The following B4GALNT3 variants were observed in gnomAD, a reference collection of about 807,000 sequenced individuals.
The protein encoded by B4GALNT3 is beta-1,4-N-acetyl-galactosaminyltransferase 3, also known as beta-1,4-N-acetylgalactosaminyltransferase 3.
In B4GALNT3, 86 loss-of-function variants were observed where a neutral mutation model predicts 120.2. The observed-to-expected ratio is 0.72, with a 90% CI of 0.60 to 0.86. B4GALNT3 has a LOEUF of 0.86. Among genes scored for constraint, B4GALNT3 ranks in the 40% least tolerant of loss-of-function variants. B4GALNT3 has a pLI of 0.00. For missense variants in B4GALNT3, 1,167 were observed against 1,298.9 expected (o/e 0.90, Z 1.56); for synonymous variants, 518 against 510.4 (o/e 1.01, Z -0.20).
rs535048595 is a variant in B4GALNT3 at position 513,868 on chromosome 12, C to T, written c.170-21298C>T. On this transcript the variant is annotated intron_variant, in intron 1 of 19. Transcript: ENST00000266383. ...TTTCCCAAAGCATGCGGATTACAGG[C>T]GTGAGCCACTGTGCCCAGTCCATTT... Among the ~76,000 whole-genome samples, 9 of 152,340 alleles carry T rather than the reference C, an allele frequency of 5.9e-5. 1 individual carries two copies. In the South Asian group the frequency reaches 1.2e-3, roughly 21 times the overall value.
chr12:558,752 C>G (rs1408869768), intron 18 of B4GALNT3, 91 bp downstream of exon 18: 15 of 1,352,796 alleles, frequency 1.1e-5, no homozygotes, highest in African/African-American at 7.2e-5. Context: ...CTATGAGCGT[C>G]AGCATCCTCC....
At chr12:545,534 C>A in intron 6 of B4GALNT3, 65 bp downstream of exon 6, 2 of 1,442,812 alleles carry the variant, frequency 1.4e-6, no homozygotes, top group Non-Finnish European at 1.9e-6. Flanking sequence ...AGTCCTCCAG[C>A]AGCTGCTCAT....
intron 1 of B4GALNT3, among the ~76,000 whole-genome samples, chr12:522,535 T>C (rs181157187): frequency 1.6e-3 from 249 of 152,270 alleles, no homozygotes; most frequent in Non-Finnish European, 2.3e-3. Context: ...CAGTTCGTGT[T>C]TAATGGGTAC....
Position 552,100 on chromosome 12 carries a change from G to C in B4GALNT3, c.1145G>C (p.Arg382Pro). ...TTTGTTTACCCCAATGACTATACCC[G>C]CCTGAGCCACATGGAGACCCACAAT... Reference protein sequence around the residue: ...LSFVYPNDYTRLSHMETHNKC... With the variant: ...LSFVYPNDYTPLSHMETHNKC... The change falls in exon 12 of 20, where the codon CGC becomes CCC. Residue 382 changes from arginine (R) to proline (P), a missense_variant. Transcript: ENST00000266383. 1 of 1,612,998 alleles carries C rather than the reference G, an allele frequency of 6.2e-7. No homozygotes were observed. The highest frequency in any genetic ancestry group is 8.5e-7 in the Non-Finnish European group (1 of 1,179,230).
At chr12:516,227 G>C (rs1439672841) in intron 1 of B4GALNT3, among the ~76,000 whole-genome samples, 1 of 152,032 alleles carries the variant, frequency 6.6e-6, no homozygotes, top group Non-Finnish European at 1.5e-5. Context: ...TTATACACAT[G>C]CACACATAAT....
intron 3 of B4GALNT3, among the ~76,000 whole-genome samples, chr12:541,410 G>A (rs1946913994): frequency 1.3e-5 from 2 of 152,238 alleles, no homozygotes; most frequent in Admixed American, 1.3e-4. Context: ...GGAGTGACCA[G>A]TGCCCCTCCC....
intron 4 of B4GALNT3, 137 bp downstream of exon 4, chr12:544,571 A>T (rs536555178): frequency 1.3e-6 from 1 of 793,376 alleles, no homozygotes; most frequent in Non-Finnish European, 2.0e-6. Context: ...TTGTCTGCCC[A>T]TAATAGTTCC....
intron 3 of B4GALNT3, among the ~76,000 whole-genome samples, chr12:541,420 C>T (rs758208134): frequency 1.2e-4 from 19 of 152,230 alleles, no homozygotes; most frequent in Non-Finnish European, 1.9e-4. Flanking sequence ...GTGCCCCTCC[C>T]TGGGCCTTAG....
In B4GALNT3 at chr12:496,429, G is replaced by A. The variant is rs534395132; in HGVS notation, c.169+35884G>A. 8.5e-5 allele frequency among the ~76,000 whole-genome samples: 13 copies of A among 152,104 alleles called. No individual in the cohort carries two copies. In the South Asian group the frequency reaches 1.0e-3, roughly 12 times the overall value. ...AGCCTGGCCAACATGGTGAAACCCC[G>A]TATCTACTAAAAATACAAAAATTGT... On this transcript the variant is annotated intron_variant, in intron 1 of 19. Transcript: ENST00000266383.
At position 550,356 on chromosome 12, in the gene B4GALNT3, G is replaced by A. The variant is rs1947064953; in HGVS notation, c.997+444G>A. Among the ~76,000 whole-genome samples the A allele has an allele frequency of 6.6e-6, 1 of 152,184 alleles. No individual in the cohort carries two copies. On this transcript the variant is annotated intron_variant, in intron 10 of 19. Transcript: ENST00000266383. This position sits in a 1 kb window ranked among gnomAD's most constrained non-coding sequence, Gnocchi z 4.1. ...ACGGCCAAGATGGCCAGGCATGGTG[G>A]CTCATTCCTGTCATCCTGGCACTTT...
intron 9 of B4GALNT3, among the ~76,000 whole-genome samples, 189 bp from the exon 10 acceptor site, chr12:549,580 G>A (rs1947051468): frequency 1.3e-5 from 2 of 152,242 alleles, no homozygotes; most frequent in Admixed American, 1.3e-4. Flanking sequence ...TGGCAGAGGG[G>A]GCCGAAGGCA....
intron 1 of B4GALNT3, among the ~76,000 whole-genome samples, chr12:484,356 C>T (rs999279213): frequency 1.3e-5 from 2 of 152,202 alleles, no homozygotes; most frequent in Admixed American, 1.3e-4. Flanking sequence ...CCTGTTGGCA[C>T]GTGCCACGGT....
At chr12:514,344 C>T (rs1946629373) in intron 1 of B4GALNT3, among the ~76,000 whole-genome samples, 1 of 152,032 alleles carries the variant, frequency 6.6e-6, no homozygotes, top group South Asian at 2.1e-4. Context: ...ACTACAGGTG[C>T]CCGCCACCAC....
chr12:544,179 A>T lies in B4GALNT3; in HGVS notation c.352-160A>T, dbSNP rs950336975. On this transcript the variant is annotated intron_variant, in intron 3 of 19. Coordinates refer to ENST00000266383, the MANE Select transcript of B4GALNT3 (RefSeq NM_173593.4). ...GATCTGGGGCGGGTGTGGGATGCTCATCCTCCTGGAGCTGAGGCTCTGGGG... is the reference window on the plus strand; with the variant it reads ...GATCTGGGGCGGGTGTGGGATGCTCTTCCTCCTGGAGCTGAGGCTCTGGGG... Among the ~76,000 whole-genome samples, 17 of 144,708 alleles carry T rather than the reference A, an allele frequency of 1.2e-4. No homozygotes were observed. In the South Asian group the frequency reaches 2.6e-3, roughly 23 times the overall value. 94.9% of individuals were successfully genotyped at this position (144,708 alleles called of 152,430 possible). A position where few individuals can be genotyped will look rare whatever the true frequency, so the allele number is the denominator to read the frequency against.
intron 1 of B4GALNT3, among the ~76,000 whole-genome samples, chr12:502,968 A>G (rs1457337879): frequency 6.6e-6 from 1 of 151,952 alleles, no homozygotes; most frequent in East Asian, 1.9e-4. Flanking sequence ...TGTGTTGTCC[A>G]GGCTGGTCTC....
intron 1 of B4GALNT3, among the ~76,000 whole-genome samples, chr12:522,242 A>G (rs1946717675): frequency 6.6e-6 from 1 of 152,224 alleles, no homozygotes; most frequent in East Asian, 1.9e-4. Context: ...TTTCCACAGT[A>G]GCAAGAGGTG....
chr12:545,543 A>ATT (rs1307397274), intron 6 of B4GALNT3, 74 bp downstream of exon 6: 1 of 1,395,966 alleles, frequency 7.2e-7, no homozygotes, highest in East Asian at 2.5e-5. Flanking sequence ...GCAGCTGCTC[A>ATT]TTACTGTTAG....
At chr12:504,118 T>TA (rs71045066) in intron 1 of B4GALNT3, among the ~76,000 whole-genome samples, 59,984 of 142,232 alleles carry the variant, frequency 0.42, 12,793 homozygotes, top group Non-Finnish European at 0.46. Context: ...CTGTCTCAAT[T>TA]AAAAAAAAAA....
intron 3 of B4GALNT3, among the ~76,000 whole-genome samples, chr12:542,343 C>T (rs1946927793): frequency 6.6e-6 from 1 of 152,230 alleles, no homozygotes; most frequent in Admixed American, 6.5e-5. Context: ...AGGAGTTATT[C>T]CCTGCCCCCT....
Sources: gnomAD v4.1 joint callset for allele counts (sites outside exome capture counted in the v4.1 genomes callset) on GRCh38, gnomAD v4.1.1 for gene constraint, Gnocchi (gnomAD v3.1) non-coding constraint, MANE v1.5 for transcripts, NCBI Gene and HGNC (gene_info 2026-07-23, HGNC 2026-07-21) for gene names.